LRP1B: variants seen among roughly 807,000 people sequenced by gnomAD.
LRP1B encodes LDL receptor related protein 1B.
LRP1B carries 217 observed loss-of-function variants against 556.6 expected under a neutral mutation model. The observed-to-expected ratio is 0.39, with a 90% CI of 0.35 to 0.44. LRP1B has a LOEUF of 0.44. Among genes scored for constraint, LRP1B ranks in the 20% least tolerant of loss-of-function variants. LRP1B has a pLI of 1.00. For missense variants in LRP1B, 5,053 were observed against 5,620.8 expected (o/e 0.90, Z 3.23); for synonymous variants, 2,047 against 1,865.8 (o/e 1.10, Z -2.50).
chr2:141,088,454 C>T (rs1387080547), intron 7 of LRP1B, among the ~76,000 whole-genome samples: 2 of 152,092 alleles, frequency 1.3e-5, no homozygotes, highest in Non-Finnish European at 2.9e-5. Flanking sequence ...CAAAGTCCTG[C>T]TTGAAAATGA....
intron 32 of LRP1B, among the ~76,000 whole-genome samples, chr2:140,794,478 AACACACACACACACACACACACACAC>A (rs6146938): frequency 1.3e-5 from 2 of 149,920 alleles, no homozygotes; most frequent in Non-Finnish European, 3.0e-5. Context: ...AGCTATTTAA[AACACACACACACACACACACACACAC>A]ACACACACAC....
At chr2:141,799,946 A>G (rs1167268703) in intron 2 of LRP1B, among the ~76,000 whole-genome samples, 1 of 152,140 alleles carries the variant, frequency 6.6e-6, no homozygotes, top group Admixed American at 6.6e-5. Flanking sequence ...TATAAATTAT[A>G]CATTTATTAC....
chr2:140,750,978 ACT>A (rs961234333), intron 35 of LRP1B, among the ~76,000 whole-genome samples: 3 of 141,004 alleles, frequency 2.1e-5, no homozygotes, highest in African/African-American at 7.8e-5. Flanking sequence ...CACAGTTATA[ACT>A]CTTTTTTTTT....
At chr2:141,901,299 C>T (rs547546613) in intron 1 of LRP1B, among the ~76,000 whole-genome samples, 1 of 152,000 alleles carries the variant, frequency 6.6e-6, no homozygotes, top group African/African-American at 2.4e-5. Context: ...GGAAACTAAC[C>T]GTTTGAAAAC....
At chr2:140,511,426 G>T (rs945893784) in intron 51 of LRP1B, among the ~76,000 whole-genome samples, 1 of 146,982 alleles carries the variant, frequency 6.8e-6, no homozygotes, top group Non-Finnish European at 1.5e-5. Context: ...CTCAGCCTCC[G>T]GAGTAGCTGG....
chr2:141,475,027 A>G (rs987795407), intron 3 of LRP1B, among the ~76,000 whole-genome samples: 6 of 152,180 alleles, frequency 3.9e-5, no homozygotes, highest in Non-Finnish European at 7.3e-5. Flanking sequence ...TTTTAACAGG[A>G]TAAGGGCAGA....
intron 1 of LRP1B, among the ~76,000 whole-genome samples, chr2:141,880,571 AT>A (rs1264029537): frequency 2.0e-5 from 3 of 152,118 alleles, no homozygotes; most frequent in Admixed American, 1.3e-4. Flanking sequence ...TAGTGAAATG[AT>A]TTTTTTGGTG....
At chr2:141,497,302 A>G (rs1280776964) in intron 2 of LRP1B, among the ~76,000 whole-genome samples, 2 of 151,946 alleles carry the variant, frequency 1.3e-5, no homozygotes, top group Non-Finnish European at 2.9e-5. Flanking sequence ...TTTAGAGGCA[A>G]CTATTTTCTC....
intron 16 of LRP1B, among the ~76,000 whole-genome samples, chr2:140,991,284 A>G (rs1264927190): frequency 1.3e-5 from 2 of 152,164 alleles, no homozygotes; most frequent in African/African-American, 4.8e-5. Context: ...GAATTCAAAC[A>G]CCTTTTGGTA....
chr2:141,868,798 G>A (rs1187049833), intron 1 of LRP1B, among the ~76,000 whole-genome samples: 1 of 152,048 alleles, frequency 6.6e-6, no homozygotes, highest in African/African-American at 2.4e-5. Flanking sequence ...GAAAATGGCA[G>A]TCACCTTTAG....
intron 41 of LRP1B, among the ~76,000 whole-genome samples, chr2:140,664,564 G>A (rs572022185): frequency 6.6e-5 from 10 of 151,858 alleles, no homozygotes; most frequent in Non-Finnish European, 7.4e-5. Flanking sequence ...TCATTCTGAT[G>A]GTACTTAAAA....
chr2:140,821,627 C>A (rs968725733), intron 31 of LRP1B, among the ~76,000 whole-genome samples: 5 of 152,184 alleles, frequency 3.3e-5, no homozygotes, highest in Non-Finnish European at 5.9e-5. Context: ...AATTCACACT[C>A]TACTTCATAC....
At chr2:141,394,525 T>C (rs1177457358) in intron 3 of LRP1B, among the ~76,000 whole-genome samples, 1 of 152,090 alleles carries the variant, frequency 6.6e-6, no homozygotes, top group Non-Finnish European at 1.5e-5. Context: ...CCATTTCCCT[T>C]TGCATAGCCA....
chr2:141,062,015 T>C (rs1699349781), intron 8 of LRP1B, 36 bp downstream of exon 8: 2 of 1,550,842 alleles, frequency 1.3e-6, no homozygotes, highest in South Asian at 2.2e-5. Flanking sequence ...TTCTTTTTAT[T>C]ACCCTAGGAG....
chr2:140,526,425 A>G, intron 47 of LRP1B, 75 bp from the exon 48 acceptor site: 1 of 971,038 alleles, frequency 1.0e-6, no homozygotes, highest in Non-Finnish European at 1.6e-6. Flanking sequence ...TGAATATTTC[A>G]ATTATTTTAT....
chr2:141,863,759 A>G (rs2105790607), intron 1 of LRP1B, among the ~76,000 whole-genome samples: 1 of 152,330 alleles, frequency 6.6e-6, no homozygotes, highest in South Asian at 2.1e-4. Flanking sequence ...TTGTTGAGCT[A>G]TAAATCAAAC....
At chr2:141,610,545 T>C (rs918825281) in intron 2 of LRP1B, among the ~76,000 whole-genome samples, 1 of 152,052 alleles carries the variant, frequency 6.6e-6, no homozygotes, top group Admixed American at 6.6e-5. Flanking sequence ...GCCAGTACTT[T>C]CCCTGAGAAC....
chr2:141,997,415 ATGTG>A (rs138233497), intron 1 of LRP1B, among the ~76,000 whole-genome samples: 8,636 of 138,230 alleles, frequency 0.062, 301 homozygotes, highest in Non-Finnish European at 0.075. Context: ...AAATGTATAT[ATGTG>A]TGTGTGTGTG....
chr2:141,544,316 C>CTTCTTCTTCTTCTTCTTCTTCTTCTTCTT lies in LRP1B; in HGVS notation c.206-63812_206-63784dup, dbSNP rs1685409310. Among the ~76,000 whole-genome samples, 60 of 34,582 alleles carry CTTCTTCTTCTTCTTCTTCTTCTTCTTCTT rather than the reference C, an allele frequency of 1.7e-3. 1 individual carries two copies. The highest frequency in any genetic ancestry group is 3.6e-3 in the African/African-American group (23 of 6,354). The allele number at this position is 34,582 out of a possible 152,430, so 22.7% of individuals were successfully genotyped here. ...TACCACTCTTCTTCTTCTTCTTCTT[C>CTTCTTCTTCTTCTTCTTCTTCTTCTTCTT]TTCTTCTTCTTCTTCTTCTTCTTCT... On this transcript the variant is annotated intron_variant, in intron 2 of 90. Coordinates refer to ENST00000389484, the MANE Select transcript of LRP1B (RefSeq NM_018557.3).
Sources: gnomAD v4.1 joint callset for allele counts (sites outside exome capture counted in the v4.1 genomes callset) on GRCh38, gnomAD v4.1.1 for gene constraint, MANE v1.5 for transcripts, NCBI Gene and HGNC (gene_info 2026-07-23, HGNC 2026-07-21) for gene names.